WDR70: variants seen among roughly 807,000 people sequenced by gnomAD.
WDR70 encodes the protein WD repeat-containing protein 70.
In WDR70, 53 loss-of-function variants were observed where a neutral mutation model predicts 88.6. The ratio of observed to expected loss-of-function variants is 0.60; its 90% confidence interval spans 0.48 to 0.75. The LOEUF (loss-of-function observed/expected upper bound fraction) is 0.75, where lower values mean the gene tolerates loss of function less well. Among genes scored for constraint, WDR70 ranks in the 30% least tolerant of loss-of-function variants. WDR70 has a pLI of 0.00. For synonymous variants in WDR70, 280 were observed against 270.0 expected, an observed-to-expected ratio of 1.04 and a Z score of -0.36; for missense variants, 610 against 823.2, an observed-to-expected ratio of 0.74 and a Z score of 3.17.
intron 3 of WDR70, among the ~76,000 whole-genome samples, chr5:37,384,194 T>A (rs1192631756): frequency 1.3e-4 from 7 of 54,266 alleles, no homozygotes; most frequent in Non-Finnish European, 2.9e-4. Flanking sequence ...TTTTTTTTTT[T>A]ATTTGAGACA....
intron 7 of WDR70, among the ~76,000 whole-genome samples, chr5:37,455,242 TC>T (rs1738794372): frequency 1.4e-5 from 2 of 140,662 alleles, no homozygotes; most frequent in Admixed American, 7.7e-5. Context: ...TTTCTTTCTT[TC>T]TTTTTTTTTT....
At chr5:37,603,337 A>G (rs555257100) in intron 9 of WDR70, among the ~76,000 whole-genome samples, 2 of 152,282 alleles carry the variant, frequency 1.3e-5, no homozygotes, top group East Asian at 3.9e-4. Flanking sequence ...CAGCCAATTG[A>G]TTTTCAACAA....
chr5:37,636,553 C>T (rs760258481), intron 10 of WDR70, among the ~76,000 whole-genome samples: 2 of 152,154 alleles, frequency 1.3e-5, no homozygotes, highest in Non-Finnish European at 2.9e-5. Flanking sequence ...CCAGATACCA[C>T]CTTAACAGAG....
At chr5:37,635,726 A>C (rs1744944567) in intron 10 of WDR70, among the ~76,000 whole-genome samples, 1 of 151,974 alleles carries the variant, frequency 6.6e-6, no homozygotes, top group African/African-American at 2.4e-5. Context: ...GATTGAGCTC[A>C]CTCTGGAATA....
At chr5:37,534,769 G>A (rs575075947) in intron 9 of WDR70, among the ~76,000 whole-genome samples, 3 of 152,214 alleles carry the variant, frequency 2.0e-5, no homozygotes, top group South Asian at 2.1e-4. Context: ...ATGAGCCATC[G>A]CACCTGGCCA....
intron 10 of WDR70, among the ~76,000 whole-genome samples, chr5:37,613,952 A>G (rs1367897637): frequency 6.6e-6 from 1 of 152,220 alleles, no homozygotes; most frequent in Non-Finnish European, 1.5e-5. Context: ...CATGTACCAA[A>G]TCTAGCCCAC....
At chr5:37,440,755 C>G (rs1291969207) in intron 6 of WDR70, among the ~76,000 whole-genome samples, 1 of 152,222 alleles carries the variant, frequency 6.6e-6, no homozygotes, top group Admixed American at 6.5e-5. Context: ...TGAATGGTAG[C>G]ATTGAAAGCC....
chr5:37,646,729 A>G (rs987621905), intron 10 of WDR70, among the ~76,000 whole-genome samples: 3 of 152,172 alleles, frequency 2.0e-5, no homozygotes, highest in African/African-American at 7.2e-5. Flanking sequence ...GTCTGCTGCC[A>G]GGCATATTGG....
chr5:37,396,834 A>T (rs983975063), intron 5 of WDR70, among the ~76,000 whole-genome samples: 3 of 152,090 alleles, frequency 2.0e-5, no homozygotes, highest in Non-Finnish European at 4.4e-5. Flanking sequence ...TCTCCAAAAA[A>T]CAAACAAAAA....
At chr5:37,638,632 C>T (rs1226936194) in intron 10 of WDR70, among the ~76,000 whole-genome samples, 1 of 152,152 alleles carries the variant, frequency 6.6e-6, no homozygotes. Context: ...TTCTCAAACT[C>T]CCTTCATGTT....
chr5:37,579,326 C>T (rs1469372780), intron 9 of WDR70, among the ~76,000 whole-genome samples: 1 of 152,090 alleles, frequency 6.6e-6, no homozygotes, highest in Non-Finnish European at 1.5e-5. Context: ...TGGCTCACGC[C>T]TGTAATCCCA....
At chr5:37,728,365 A>AC (rs1491237529) in intron 17 of WDR70, among the ~76,000 whole-genome samples, 28 of 22,596 alleles carry the variant, frequency 1.2e-3, no homozygotes, top group East Asian at 0.011. Flanking sequence ...AAAAAAAAAC[A>AC]AAAAAAAAAA....
intron 10 of WDR70, among the ~76,000 whole-genome samples, chr5:37,608,253 G>T (rs1249620270): frequency 6.6e-6 from 1 of 151,904 alleles, no homozygotes; most frequent in African/African-American, 2.4e-5. Context: ...TATTGGCCAC[G>T]TTGGTCTCAA....
At chr5:37,735,677 A>G (rs935464183) in intron 17 of WDR70, among the ~76,000 whole-genome samples, 1 of 152,148 alleles carries the variant, frequency 6.6e-6, no homozygotes, top group Non-Finnish European at 1.5e-5. Context: ...GCTAGAGTAT[A>G]CTGTTTACTG....
At chr5:37,704,558 C>T (rs180695409) in intron 13 of WDR70, among the ~76,000 whole-genome samples, 35 of 152,252 alleles carry the variant, frequency 2.3e-4, no homozygotes, top group African/African-American at 7.5e-4. Context: ...TCTTTTTCTC[C>T]GTGGTACTTA....
At position 37,504,678 on chromosome 5, in the gene WDR70, C is replaced by T. The variant is rs1740506306; in HGVS notation, c.841-11836C>T. Reference sequence around the variant, plus strand: ...TCCTTCACTTGTAAAGTTCTGATCTCTTCCCACTATGCATATTTACCCTTT... The same window carrying T: ...TCCTTCACTTGTAAAGTTCTGATCTTTTCCCACTATGCATATTTACCCTTT... On this transcript the variant is annotated intron_variant, in intron 8 of 17. Coordinates refer to ENST00000265107, the MANE Select transcript of WDR70 (RefSeq NM_018034.4). Among the ~76,000 whole-genome samples, 3 of 152,228 alleles carry T rather than the reference C, an allele frequency of 2.0e-5. No individual in the cohort carries two copies. In the South Asian group the frequency reaches 6.2e-4, roughly 32 times the overall value.
At chr5:37,485,795 G>A (rs901993268) in intron 8 of WDR70, among the ~76,000 whole-genome samples, 4 of 150,472 alleles carry the variant, frequency 2.7e-5, no homozygotes, top group African/African-American at 7.3e-5. Context: ...GGGTTCAAGC[G>A]ATTCCCCTGC....
chr5:37,423,096 C>A (rs549456838), intron 5 of WDR70, among the ~76,000 whole-genome samples: 2 of 151,968 alleles, frequency 1.3e-5, no homozygotes, highest in African/African-American at 4.8e-5. Context: ...TGAGGGGGGG[C>A]CTTCTCAGTG....
chr5:37,689,655 A>G (rs1746724493), intron 10 of WDR70, among the ~76,000 whole-genome samples: 1 of 152,038 alleles, frequency 6.6e-6, no homozygotes, highest in Non-Finnish European at 1.5e-5. Context: ...ACAGAAAGGA[A>G]TAGCATCAAC....
Sources: allele counts gnomAD v4.1 joint callset (sites outside exome capture counted in the v4.1 genomes callset), GRCh38; gene constraint gnomAD v4.1.1; transcripts MANE v1.5; gene names NCBI Gene and HGNC (gene_info 2026-07-23, HGNC 2026-07-21).